Variants in DBT observed in about 807,000 individuals in gnomAD.
The protein encoded by DBT is lipoamide acyltransferase component of branched-chain alpha-keto acid dehydrogenase complex, mitochondrial.
In DBT, 40 loss-of-function variants were observed where a neutral mutation model predicts 51.3. The ratio of observed to expected loss-of-function variants is 0.78; its 90% CI spans 0.61 to 1.02. DBT has a LOEUF of 1.02. Among genes scored for constraint, DBT ranks in the 50% least tolerant of loss-of-function variants. DBT has a pLI of 0.00. For missense variants in DBT, 510 were observed against 580.2 expected (o/e 0.88, Z 1.24); for synonymous variants, 181 against 190.4 (o/e 0.95, Z 0.41).
Position 100,206,508 on chromosome 1 carries a change from A to G in DBT, c.1146T>C (p.Ser382=). ...TELNRLQKLG[S]VSQLSTTDLT... Reference sequence around the variant, plus strand: ...GATCAGTGGTGCTGAGCTGACTCACAGAGCCCAATTTCTGGAGGCGGTTCA... The same window carrying G: ...GATCAGTGGTGCTGAGCTGACTCACGGAGCCCAATTTCTGGAGGCGGTTCA... The change falls in exon 9 of 11, where the codon TCT becomes TCC. Residue 382 remains serine, a synonymous_variant. Transcript: ENST00000370132. 1 of 1,613,766 alleles carries G rather than the reference A, an allele frequency of 6.2e-7. No individual in the cohort carries two copies. The highest frequency in any genetic ancestry group is 8.5e-7 in the Non-Finnish European group (1 of 1,179,638).
chr1:100,213,250 C>T, intron 7 of DBT: 4 of 1,231,598 alleles, frequency 3.2e-6, no homozygotes, highest in South Asian at 2.0e-5. Context: ...CCGGGGCGTG[C>T]GCCGCGTCCC....
intron 1 of DBT, among the ~76,000 whole-genome samples, chr1:100,241,366 T>TTTGTG (rs947738213): frequency 2.8e-5 from 4 of 144,012 alleles, no homozygotes; most frequent in African/African-American, 1.0e-4. Context: ...CTGAAAGGTA[T>TTTGTG]TGTGTGTGTG....
At chr1:100,239,774 G>A (rs1378944709) in intron 2 of DBT, among the ~76,000 whole-genome samples, 2 of 149,474 alleles carry the variant, frequency 1.3e-5, no homozygotes, top group East Asian at 2.0e-4. Context: ...GAGGCAGGAG[G>A]ATCATTTGAG....
intron 4 of DBT, among the ~76,000 whole-genome samples, chr1:100,225,541 A>G (rs1200483889): frequency 6.6e-6 from 1 of 152,032 alleles, no homozygotes; most frequent in Non-Finnish European, 1.5e-5. Context: ...AAACAAAACC[A>G]GCACCAGGTG....
chr1:100,191,974 GTTTTTTGGT>G lies in DBT; in HGVS notation c.*4272_*4280del, dbSNP rs1660835833. 6.7e-6 allele frequency: 1 copy of G among 149,120 alleles called. No homozygotes were observed. The highest frequency in any genetic ancestry group is 1.5e-5 in the Non-Finnish European group (1 of 67,232). 9.2% of individuals were successfully genotyped at this position (149,120 alleles called of 1,614,324 possible). A position where few individuals can be genotyped will look rare whatever the true frequency, so the allele number is the denominator to read the frequency against. On this transcript the variant is annotated 3_prime_UTR_variant, in exon 11 of 11. Transcript: ENST00000370132. ...ATTTTTTTTTTTTTTGGTATTTTTT[GTTTTTTGGT>G]TTTTTTGGTAGAGCTGGGGTCGCCC...
chr1:100,237,569 T>C (rs548331827), intron 2 of DBT, among the ~76,000 whole-genome samples: 2 of 152,104 alleles, frequency 1.3e-5, no homozygotes, highest in Non-Finnish European at 2.9e-5. Flanking sequence ...GGGGAGTGGG[T>C]GGCAGAGGCA....
chr1:100,227,614 T>C (rs1663297378), intron 4 of DBT, among the ~76,000 whole-genome samples: 1 of 152,130 alleles, frequency 6.6e-6, no homozygotes. Flanking sequence ...TACATAATTT[T>C]CTGGTTACAA....
intron 7 of DBT, chr1:100,213,820 G>C: frequency 7.1e-7 from 1 of 1,416,968 alleles, no homozygotes; most frequent in Non-Finnish European, 9.2e-7. Context: ...GTTTCCCGGA[G>C]CGTGGAGAGG....
intron 3 of DBT, among the ~76,000 whole-genome samples, chr1:100,232,727 C>T (rs1042765879): frequency 1.3e-5 from 2 of 152,120 alleles, no homozygotes; most frequent in Non-Finnish European, 2.9e-5. Context: ...CCTCAGCCTC[C>T]CAAGTAGCTG....
Position 100,193,306 on chromosome 1 carries a change from TTAAAACTCAA to T in DBT, c.*2939_*2948del, listed in dbSNP as rs1660903647. ...TTTTATTGATCATGTCATTATTCAT[TTAAAACTCAA>T]TAAATGCCTATCAATAGATAATTGG... On this transcript the variant is annotated 3_prime_UTR_variant, in exon 11 of 11. Transcript: ENST00000370132. The T allele has an allele frequency of 6.6e-6, 1 of 152,226 alleles. No individual in the cohort carries two copies. Among genetic ancestry groups the T allele is most frequent in the South Asian group, 2.1e-4 (1 of 4,832 alleles). 9.4% of individuals were successfully genotyped at this position (152,226 alleles called of 1,614,324 possible).
At chr1:100,227,736 G>A (rs1444981520) in intron 4 of DBT, among the ~76,000 whole-genome samples, 2 of 152,298 alleles carry the variant, frequency 1.3e-5, no homozygotes, top group African/African-American at 4.8e-5. Context: ...ATCCTGATGT[G>A]AGGCAACATG....
At chr1:100,200,610 G>A (rs897898046) in intron 10 of DBT, among the ~76,000 whole-genome samples, 1 of 152,206 alleles carries the variant, frequency 6.6e-6, no homozygotes, top group Non-Finnish European at 1.5e-5. Flanking sequence ...CCTCCTGACG[G>A]GGAGACACCT....
At chr1:100,200,680 C>T (rs939541775) in intron 10 of DBT, among the ~76,000 whole-genome samples, 1 of 152,196 alleles carries the variant, frequency 6.6e-6, no homozygotes, top group Non-Finnish European at 1.5e-5. Context: ...CTGGCAGGTG[C>T]CCCTCTGGGA....
chr1:100,226,203 C>CA (rs1046380523), intron 4 of DBT, among the ~76,000 whole-genome samples: 18 of 149,962 alleles, frequency 1.2e-4, no homozygotes, highest in African/African-American at 2.0e-4. Context: ...AATCTGAATC[C>CA]AAAAAAAACT....
chr1:100,216,212 A>G lies in DBT; in HGVS notation c.556-13T>C. 1.3e-6 allele frequency: 2 copies of G among 1,574,856 alleles called. No homozygotes were observed. The highest frequency in any genetic ancestry group is 1.7e-6 in the Non-Finnish European group (2 of 1,145,136). On this transcript the variant is annotated splice_polypyrimidine_tract_variant and intron_variant, in intron 5 of 10. Coordinates refer to ENST00000370132, the MANE Select transcript of DBT (RefSeq NM_001918.5). ...CACTCAGCTTAATCTAAAAAATGAT[A>G]TATTTTAATGCCAAAAATACAACTA... is the stretch of plus-strand genomic sequence containing the variant.
At chr1:100,237,086 T>C (rs1251666519) in intron 2 of DBT, among the ~76,000 whole-genome samples, 1 of 152,164 alleles carries the variant, frequency 6.6e-6, no homozygotes, top group Non-Finnish European at 1.5e-5. Context: ...ACAAATAGAA[T>C]ATAACAGAAG....
chr1:100,210,006 C>A (rs530787543), intron 8 of DBT, among the ~76,000 whole-genome samples: 1 of 152,044 alleles, frequency 6.6e-6, no homozygotes, highest in South Asian at 2.1e-4. Flanking sequence ...TTAAATTATT[C>A]TTAATATTAA....
intron 10 of DBT, among the ~76,000 whole-genome samples, chr1:100,198,279 C>T (rs1290913061): frequency 6.6e-6 from 1 of 152,032 alleles, no homozygotes; most frequent in Non-Finnish European, 1.5e-5. Flanking sequence ...CATGAGGTAC[C>T]TAGAATAGTC....
intron 4 of DBT, among the ~76,000 whole-genome samples, chr1:100,225,826 C>CAAAAAA (rs71084809): frequency 3.8e-4 from 33 of 86,644 alleles, no homozygotes; most frequent in East Asian, 1.4e-3. Context: ...CTCCATCTCA[C>CAAAAAA]AAAAAAAAAA....
Sources: allele counts gnomAD v4.1 joint callset (sites outside exome capture counted in the v4.1 genomes callset), GRCh38; gene constraint gnomAD v4.1.1; transcripts MANE v1.5; gene names NCBI Gene and HGNC (gene_info 2026-07-23, HGNC 2026-07-21).